The following PDE6B variants were observed in gnomAD, a reference collection of about 807,000 sequenced individuals.
The protein encoded by PDE6B is rod cGMP-specific 3',5'-cyclic phosphodiesterase subunit beta.
Under a neutral mutation model 109.0 loss-of-function variants are expected in PDE6B, and 106 were observed. That is an observed-to-expected ratio of 0.97 (90% CI 0.83 to 1.14). The LOEUF is 1.14. PDE6B is among the 50% of genes most tolerant of loss of function. The pLI, the probability that PDE6B is intolerant of heterozygous loss-of-function variation, is 0.00. For synonymous variants in PDE6B, 490 were observed against 471.3 expected (o/e 1.04, Z -0.51); for missense variants, 1,193 against 1,155.6 (o/e 1.03, Z -0.47).
intron 3 of PDE6B, among the ~76,000 whole-genome samples, chr4:640,826 C>T (rs982132870): frequency 1.3e-5 from 2 of 152,186 alleles, no homozygotes; most frequent in African/African-American, 2.4e-5. Flanking sequence ...TGCTTTTGCT[C>T]TTTTGTCAAA....
chr4:667,796 A>G (rs969128289), intron 20 of PDE6B, 60 bp from the exon 21 acceptor site: 8 of 1,561,362 alleles, frequency 5.1e-6, no homozygotes, highest in East Asian at 4.5e-5. Flanking sequence ...GGGAAGGGCT[A>G]TCTTACTCTG....
chr4:670,341 C>G lies in PDE6B; in HGVS notation c.*234C>G, dbSNP rs1024609341. ...CACTGCAACCTCCACCTCCCAGGTT[C>G]AAGCGATTCTCGTGCCTCAGCCTCC... On this transcript the variant is annotated 3_prime_UTR_variant, in exon 22 of 22. Transcript: ENST00000496514. The G allele has an allele frequency of 4.1e-6, 2 of 482,028 alleles. No individual in the cohort carries two copies. The highest frequency in any genetic ancestry group is 7.2e-6 in the Non-Finnish European group (2 of 277,122). The allele number at this position is 482,028 out of a possible 1,614,324, so 29.9% of individuals were successfully genotyped here.
At position 657,303 on chromosome 4, in the gene PDE6B, G is replaced by A. The variant is rs965873477; in HGVS notation, c.1258-48G>A. On this transcript the variant is annotated intron_variant, in intron 9 of 21. Transcript: ENST00000496514. The stretch of plus-strand genomic sequence containing the variant: ...GCCTGGCACACAGGCACATGGGAGG[G>A]GGCGCGCCGGGAGCGCTGAGCGCCA... 1.9e-6 allele frequency: 3 copies of A among 1,608,138 alleles called. No homozygotes were observed. The African/African-American group carries it at 4.0e-5, about 21-fold the overall frequency.
intron 1 of PDE6B, among the ~76,000 whole-genome samples, chr4:634,146 A>G (rs1577244135): frequency 6.6e-6 from 1 of 151,932 alleles, no homozygotes; most frequent in South Asian, 2.1e-4. Context: ...AAGGACTCCC[A>G]CCCCGGCCTG....
At position 657,428 on chromosome 4, in the gene PDE6B, G is replaced by C. The variant is rs1415273491; in HGVS notation, c.1335G>C (p.Lys445Asn). Residue 445 changes from lysine (K) to asparagine (N), a missense_variant, in exon 10 of 22, where the codon AAG (lysine) becomes AAC (asparagine). By Grantham distance (94) the Lys-to-Asn change is moderately conservative. Transcript: ENST00000496514. Reference protein sequence around the residue: ...YDKMNKLENRKDIAQDMVLYH... With the variant: ...YDKMNKLENRNDIAQDMVLYH... ...AGATGAACAAGCTGGAGAACCGCAAGGACATCGCACAGGACATGGTCCTTT... is the reference window on the plus strand; with the variant it reads ...AGATGAACAAGCTGGAGAACCGCAACGACATCGCACAGGACATGGTCCTTT... 1.2e-5 allele frequency: 20 copies of C among 1,613,322 alleles called. No individual in the cohort carries two copies. The highest frequency in any genetic ancestry group is 2.2e-5 in the South Asian group (2 of 91,086).
chr4:654,753 C>CTG lies in PDE6B; in HGVS notation c.928-56_928-55dup, dbSNP rs144362048. 7.4e-4 allele frequency: 602 copies of CTG among 808,364 alleles called. 1 individual carries two copies. The highest frequency in any genetic ancestry group is 5.4e-3 in the African/African-American group (320 of 59,192). 50.1% of individuals were successfully genotyped at this position (808,364 alleles called of 1,614,324 possible). On this transcript the variant is annotated intron_variant, in intron 5 of 21. Transcript: ENST00000496514. ...TGTGGCTGTGTGTAGCTGCATGTAG[C>CTG]TGTGTGTGTGTGTGTGAGCCCCTCA... is the stretch of plus-strand genomic sequence containing the variant.
At chr4:629,591 CT>C (rs1734281586) in intron 1 of PDE6B, among the ~76,000 whole-genome samples, 3 of 152,390 alleles carry the variant, frequency 2.0e-5, no homozygotes, top group Non-Finnish European at 4.4e-5. Flanking sequence ...CCCCTGCCCC[CT>C]GCCCCAAAAC....
chr4:630,468 G>A (rs758656010), intron 1 of PDE6B, among the ~76,000 whole-genome samples: 11 of 152,158 alleles, frequency 7.2e-5, no homozygotes, highest in Non-Finnish European at 1.2e-4. Flanking sequence ...GAGAGTGGCC[G>A]GATGTTTCCG....
In PDE6B at chr4:655,855, GCA is replaced by G. The variant is rs1304388720; in HGVS notation, c.993-80_993-79del. 6.2e-5 allele frequency: 52 copies of G among 839,384 alleles called. 1 individual carries two copies. In the African/African-American group the frequency reaches 7.1e-4, roughly 12 times the overall value. The allele number at this position is 839,384 out of a possible 1,614,324, so 52.0% of individuals were successfully genotyped here. ...GCCTAGACCAGCCCCTCTCACCCCT[GCA>G]CACAGACATCCAGTCCCTCTGACTC... On this transcript the variant is annotated intron_variant, in intron 6 of 21. Coordinates refer to ENST00000496514, the MANE Select transcript of PDE6B (RefSeq NM_000283.4).
chr4:660,713 G>A, intron 12 of PDE6B, 100 bp downstream of exon 12: 2 of 1,033,744 alleles, frequency 1.9e-6, no homozygotes, highest in Non-Finnish European at 3.0e-6. Flanking sequence ...AAGGTGAGGG[G>A]GATGGGATTG....
chr4:640,494 G>A (rs951292619), intron 3 of PDE6B, among the ~76,000 whole-genome samples: 7 of 151,858 alleles, frequency 4.6e-5, no homozygotes, highest in Admixed American at 6.6e-5. Flanking sequence ...AGCTGAGATC[G>A]CACCATTGCA....
rs1373349312 is a variant in PDE6B at position 665,990 on chromosome 4, A to C, written c.2269-541A>C. 6.6e-6 allele frequency among the ~76,000 whole-genome samples: 1 copy of C among 152,084 alleles called. No individual in the cohort carries two copies. The highest frequency in any genetic ancestry group is 1.5e-5 in the Non-Finnish European group (1 of 67,994). ...GTTGGTCAGCAAAGCCCCACAGGGGAAGGACAGGCAGCAGGTCCATCCCCC... is the reference window on the plus strand; with the variant it reads ...GTTGGTCAGCAAAGCCCCACAGGGGCAGGACAGGCAGCAGGTCCATCCCCC... On this transcript the variant is annotated intron_variant, in intron 19 of 21. Coordinates refer to ENST00000496514, the MANE Select transcript of PDE6B (RefSeq NM_000283.4). The surrounding 1 kb of genome is among the most constrained non-coding windows in gnomAD (Gnocchi z 4.0).
chr4:631,294 A>G (rs1734371548), intron 1 of PDE6B, among the ~76,000 whole-genome samples: 5 of 152,248 alleles, frequency 3.3e-5, no homozygotes, highest in African/African-American at 1.2e-4. Context: ...CAGGTCTGAG[A>G]TCCAGGAAGA....
At chr4:650,165 G>T in intron 3 of PDE6B, among the ~76,000 whole-genome samples, 1 of 152,218 alleles carries the variant, frequency 6.6e-6, no homozygotes, top group African/African-American at 2.4e-5. Context: ...CGCTCCCTGA[G>T]GAGGGGACAA....
At position 656,030 on chromosome 4, in the gene PDE6B, C is replaced by T. The variant is rs977596203; in HGVS notation, c.1059+24C>T. On this transcript the variant is annotated intron_variant, in intron 7 of 21. Transcript: ENST00000496514. ...TTGTGAGTCCCGTGCTGTCTGGAGTCCCCACAGCCTTGCCCTCACTGGGTG... is the reference window on the plus strand; with the variant it reads ...TTGTGAGTCCCGTGCTGTCTGGAGTTCCCACAGCCTTGCCCTCACTGGGTG... The T allele has an allele frequency of 4.7e-6, 7 of 1,490,920 alleles. No homozygotes were observed. In the African/African-American group the frequency reaches 9.7e-5, roughly 21 times the overall value. 92.4% of individuals were successfully genotyped at this position (1,490,920 alleles called of 1,614,324 possible). A position where few individuals can be genotyped will look rare whatever the true frequency, so the allele number is the denominator to read the frequency against.
intron 3 of PDE6B, chr4:653,109 C>G: frequency 3.2e-6 from 3 of 932,472 alleles, no homozygotes; most frequent in Non-Finnish European, 3.8e-6. Flanking sequence ...GGTCCTGTTC[C>G]CACCATGAGC....
intron 3 of PDE6B, among the ~76,000 whole-genome samples, chr4:650,916 G>A (rs559842845): frequency 8.5e-5 from 13 of 152,332 alleles, no homozygotes; most frequent in Non-Finnish European, 1.3e-4. Context: ...GCTTTTAACC[G>A]GAAAATTAAA....
intron 7 of PDE6B, 66 bp downstream of exon 7, chr4:656,072 T>C (rs1479591183): frequency 8.8e-7 from 1 of 1,132,502 alleles, no homozygotes; most frequent in Non-Finnish European, 1.3e-6. Context: ...TGTGTGCTTC[T>C]CCTTGTCTCT....
intron 20 of PDE6B, 104 bp from the exon 21 acceptor site, chr4:667,752 C>T: frequency 2.4e-6 from 3 of 1,270,106 alleles, no homozygotes; most frequent in South Asian, 2.4e-5. Flanking sequence ...CTCCTCCTGC[C>T]AGGCAGTTCA....
Sources: gnomAD v4.1 joint callset for allele counts (sites outside exome capture counted in the v4.1 genomes callset) on GRCh38, gnomAD v4.1.1 for gene constraint, Gnocchi (gnomAD v3.1) non-coding constraint, MANE v1.5 for transcripts, NCBI Gene and HGNC (gene_info 2026-07-23, HGNC 2026-07-21) for gene names.